The following KLHL5 variants were observed in gnomAD, a reference collection of about 807,000 sequenced individuals.
KLHL5 encodes kelch-like protein 5.
A neutral mutation model predicts 77.7 loss-of-function variants in KLHL5; 48 were observed. The observed-to-expected ratio is 0.62, with a 90% CI of 0.49 to 0.79. KLHL5 has a LOEUF of 0.79. KLHL5 is among the 30% of genes least tolerant of loss of function. The probability of loss-of-function intolerance (pLI) is 0.00; values close to 1 mark genes in which losing one functional copy is unlikely to be tolerated. For synonymous variants in KLHL5, 260 were observed against 297.0 expected, an observed-to-expected ratio of 0.88 and a Z score of 1.28; for missense variants, 723 against 859.7, an observed-to-expected ratio of 0.84 and a Z score of 1.99.
intron 10 of KLHL5, chr4:39,115,616 G>A (rs1457931430): frequency 7.2e-7 from 1 of 1,385,926 alleles, no homozygotes; most frequent in African/African-American, 1.5e-5. Flanking sequence ...TAGGACTACT[G>A]GAGGGCTGCA....
chr4:39,074,587 A>G (rs1718827006), intron 1 of KLHL5, among the ~76,000 whole-genome samples: 1 of 152,204 alleles, frequency 6.6e-6, no homozygotes, highest in African/African-American at 2.4e-5. Context: ...TCTCAGGCGG[A>G]AAAAAGAATA....
At chr4:39,080,518 T>G (rs1266341447) in intron 2 of KLHL5, among the ~76,000 whole-genome samples, 1 of 150,388 alleles carries the variant, frequency 6.6e-6, no homozygotes, top group African/African-American at 2.5e-5. Flanking sequence ...AGAATGAGAC[T>G]GTCTCAAAAA....
At chr4:39,130,657 C>A (rs2109667100), downstream of KLHL5, among the ~76,000 whole-genome samples, 2 of 152,210 alleles carry the variant, frequency 1.3e-5, no homozygotes, top group Admixed American at 1.3e-4. Context: ...GTGCAGCCAC[C>A]TTTAGGAGGA....
chr4:39,139,689 C>T, the KLHL5 span, among the ~76,000 whole-genome samples: 23 of 152,048 alleles, frequency 1.5e-4, no homozygotes, highest in African/African-American at 5.3e-4. Context: ...TGCTGTGAAC[C>T]TAAAAAACAA....
chr4:39,079,228 A>G (rs888418124), intron 2 of KLHL5, among the ~76,000 whole-genome samples: 7 of 152,096 alleles, frequency 4.6e-5, no homozygotes, highest in Admixed American at 1.3e-4. Context: ...CTTTGCCCCT[A>G]CATTCTGTTT....
At chr4:39,069,233 C>T (rs752749704) in intron 1 of KLHL5, among the ~76,000 whole-genome samples, 7 of 151,976 alleles carry the variant, frequency 4.6e-5, no homozygotes, top group Non-Finnish European at 7.4e-5. Flanking sequence ...ATGGCCACAA[C>T]TGGTTACAAA....
chr4:39,134,974 C>T, the KLHL5 span, among the ~76,000 whole-genome samples: 4 of 152,154 alleles, frequency 2.6e-5, no homozygotes, highest in East Asian at 1.9e-4. Flanking sequence ...AAGGAGGATG[C>T]GTCTGCTGCT....
chr4:39,107,781 T>C lies in KLHL5; in HGVS notation c.1688+50T>C, dbSNP rs1282495779. 2.9e-6 allele frequency: 4 copies of C among 1,370,058 alleles called. No individual in the cohort carries two copies. In the Admixed American group the frequency reaches 5.7e-5, roughly 20 times the overall value. The allele number at this position is 1,370,058 out of a possible 1,614,324, so 84.9% of individuals were successfully genotyped here. On this transcript the variant is annotated intron_variant, in intron 8 of 10. Coordinates refer to ENST00000504108, the MANE Select transcript of KLHL5 (RefSeq NM_015990.5). The stretch of plus-strand genomic sequence containing the variant: ...TTAAAATGCAATACACCAAATTTAT[T>C]AAGCTATATCATTTCTAATTTAAAG...
the KLHL5 span, among the ~76,000 whole-genome samples, chr4:39,140,121 G>T: frequency 1.3e-5 from 2 of 149,382 alleles, no homozygotes; most frequent in African/African-American, 2.6e-5. Flanking sequence ...CAGCTACTTG[G>T]GGGGGGCTGG....
At chr4:39,120,917 C>T (rs1422136028) in intron 10 of KLHL5, 93 bp from the exon 11 acceptor site, 7 of 991,148 alleles carry the variant, frequency 7.1e-6, no homozygotes, top group Non-Finnish European at 1.1e-5. Flanking sequence ...CCTTTGCCAA[C>T]AAGTACAGGC....
chr4:39,062,709 G>A lies in KLHL5; in HGVS notation c.57G>A (p.Arg19=), dbSNP rs1393919612. ...AACAGATTTTGAAAATCAGATGGAG[G>A]TGGTTTGGTCATCAAGCATCATCTC... ...DVKQILKIRW[R]WFGHQASSPN... Residue 19 remains arginine (R), a synonymous_variant, in exon 1 of 11, where the codon AGG becomes AGA. Transcript: ENST00000504108. 3 of 1,614,032 alleles carry A rather than the reference G, an allele frequency of 1.9e-6. No individual in the cohort carries two copies. In the African/African-American group the frequency reaches 4.0e-5, roughly 22 times the overall value.
At position 39,064,407 on chromosome 4, in the gene KLHL5, C is replaced by A. The variant is rs185920027; in HGVS notation, c.383+1372C>A. Among the ~76,000 whole-genome samples the A allele has an allele frequency of 1.4e-3, 217 of 151,998 alleles. 1 individual carries two copies. Among genetic ancestry groups the A allele is most frequent in the African/African-American group, 4.9e-3 (203 of 41,502 alleles). Reference sequence around the variant, plus strand: ...TGGAGACTTGTTGCCATAAAGAGAACAATTTATATAGTAAAAGATTCATCA... The same window carrying A: ...TGGAGACTTGTTGCCATAAAGAGAAAAATTTATATAGTAAAAGATTCATCA... On this transcript the variant is annotated intron_variant, in intron 1 of 10. Coordinates refer to ENST00000504108, the MANE Select transcript of KLHL5 (RefSeq NM_015990.5).
chr4:39,126,276 TA>T (rs1010190201), downstream of KLHL5, among the ~76,000 whole-genome samples: 1 of 152,022 alleles, frequency 6.6e-6, no homozygotes, highest in Admixed American at 6.6e-5. Flanking sequence ...TTAACTGGAG[TA>T]AAAAAAATCA....
intron 4 of KLHL5, among the ~76,000 whole-genome samples, chr4:39,083,258 T>C (rs540498255): frequency 6.6e-6 from 1 of 152,302 alleles, no homozygotes; most frequent in South Asian, 2.1e-4. Context: ...GTGTGAGGAT[T>C]AGATGAGTTA....
chr4:39,116,825 G>A (rs543222747), intron 10 of KLHL5, among the ~76,000 whole-genome samples: 1 of 151,908 alleles, frequency 6.6e-6, no homozygotes, highest in Admixed American at 6.6e-5. Context: ...GCAAAAATTT[G>A]TGGGTTTTTT....
chr4:39,056,364 G>A (rs1346048828), intron 1 of KLHL5, among the ~76,000 whole-genome samples: 1 of 152,184 alleles, frequency 6.6e-6, no homozygotes, highest in Non-Finnish European at 1.5e-5. Flanking sequence ...ACCCTCAGGG[G>A]TGCTGGGATT....
At position 39,050,453 on chromosome 4, in the gene KLHL5, T is replaced by A. The variant is rs75684582; in HGVS notation, c.-95+5357T>A. On this transcript the variant is annotated intron_variant, in intron 1 of 11. Coordinates refer to the KLHL5 transcript ENST00000261425. ...GGGCTACTTTCTCTCTCTCCAAGTC[T>A]ATATGATTTCTTGCTAGTGTCTCTC... Among the ~76,000 whole-genome samples, 1,023 of 152,370 alleles carry A rather than the reference T, an allele frequency of 6.7e-3. 8 individuals are homozygous for A. The highest frequency in any genetic ancestry group is 5.1e-3 in the Non-Finnish European group (346 of 68,038).
chr4:39,045,135 G>A, intron 1 of KLHL5: 1 of 984,316 alleles, frequency 1.0e-6, no homozygotes, highest in Non-Finnish European at 1.2e-6. Context: ...GGAGGGGGCC[G>A]CCTCGGGCAG....
upstream of KLHL5, chr4:39,044,861 C>A (rs1299155582): frequency 3.7e-6 from 3 of 814,634 alleles, no homozygotes; most frequent in Non-Finnish European, 4.4e-6. Flanking sequence ...TCGCCCGCCC[C>A]CTCCGGGGCC....
Sources: allele counts gnomAD v4.1 joint callset (sites outside exome capture counted in the v4.1 genomes callset), GRCh38; gene constraint gnomAD v4.1.1; transcripts MANE v1.5; gene names NCBI Gene and HGNC (gene_info 2026-07-23, HGNC 2026-07-21).